LTBP1: variants seen among roughly 807,000 people sequenced by gnomAD.
LTBP1 encodes latent transforming growth factor beta binding protein 1, also known as latent-transforming growth factor beta-binding protein 1.
Under a neutral mutation model 207.6 loss-of-function variants are expected in LTBP1, and 129 were observed. The ratio of observed to expected loss-of-function variants is 0.62; its 90% confidence interval spans 0.54 to 0.72. The LOEUF is 0.72. Ranked by LOEUF, LTBP1 falls within the 30% of genes least tolerant of loss-of-function variation. The pLI is 0.00. For missense variants in LTBP1, 2,281 were observed against 2,217.2 expected, an observed-to-expected ratio of 1.03 and a Z score of -0.58; for synonymous variants, 963 against 833.7, an observed-to-expected ratio of 1.16 and a Z score of -2.67.
chr2:33,317,089 T>C (rs1049886956), intron 24 of LTBP1, among the ~76,000 whole-genome samples: 3 of 152,266 alleles, frequency 2.0e-5, no homozygotes, highest in African/African-American at 7.2e-5. Flanking sequence ...AATGATTTAA[T>C]TCTGTACTTT....
intron 10 of LTBP1, among the ~76,000 whole-genome samples, chr2:33,244,295 G>A (rs11674869): frequency 1.3e-5 from 2 of 152,106 alleles, no homozygotes; most frequent in Non-Finnish European, 2.9e-5. Flanking sequence ...CTGTGTTTTA[G>A]ATTTTCTAAT....
chr2:33,178,350 AATAG>A (rs760199529), intron 5 of LTBP1, among the ~76,000 whole-genome samples: 20 of 152,336 alleles, frequency 1.3e-4, no homozygotes, highest in Middle Eastern at 3.4e-3. Context: ...ACTAGATCAA[AATAG>A]ATAGCGCACA....
At chr2:33,179,764 T>C (rs2086432867) in intron 5 of LTBP1, among the ~76,000 whole-genome samples, 1 of 152,112 alleles carries the variant, frequency 6.6e-6, no homozygotes, top group African/African-American at 2.4e-5. Context: ...CAATAGAAGA[T>C]CCTGTAGCTA....
intron 2 of LTBP1, among the ~76,000 whole-genome samples, chr2:32,985,438 G>A (rs771685161): frequency 6.6e-6 from 1 of 152,178 alleles, no homozygotes; most frequent in Non-Finnish European, 1.5e-5. Flanking sequence ...CAGGCCCAAA[G>A]ACAGCACTCT....
At chr2:33,019,219 AG>A (rs1010463177) in intron 2 of LTBP1, among the ~76,000 whole-genome samples, 110 of 152,064 alleles carry the variant, frequency 7.2e-4, no homozygotes, top group Non-Finnish European at 3.4e-4. Flanking sequence ...TGACAGCAAC[AG>A]GGCAGCATAG....
At chr2:33,236,770 C>T (rs1168774469) in intron 9 of LTBP1, among the ~76,000 whole-genome samples, 1 of 152,202 alleles carries the variant, frequency 6.6e-6, no homozygotes, top group Non-Finnish European at 1.5e-5. Flanking sequence ...AATGTAATAT[C>T]TGTAGACTAC....
chr2:33,048,509 C>T (rs1431313387), intron 3 of LTBP1, among the ~76,000 whole-genome samples: 1 of 152,142 alleles, frequency 6.6e-6, no homozygotes, highest in African/African-American at 2.4e-5. Context: ...CTCAGAGGAG[C>T]ATGAGACATT....
intron 2 of LTBP1, among the ~76,000 whole-genome samples, chr2:32,951,969 T>G (rs990025948): frequency 1.3e-5 from 2 of 152,220 alleles, no homozygotes; most frequent in Non-Finnish European, 2.9e-5. Context: ...AAAATATGCA[T>G]GGACATTTAA....
intron 2 of LTBP1, among the ~76,000 whole-genome samples, chr2:32,966,779 A>G (rs1011436575): frequency 6.6e-6 from 1 of 151,982 alleles, no homozygotes; most frequent in Non-Finnish European, 1.5e-5. Flanking sequence ...AAATTTGCTA[A>G]TATTTTGTTG....
At chr2:33,229,634 T>TA (rs1361167762) in intron 9 of LTBP1, among the ~76,000 whole-genome samples, 2 of 152,246 alleles carry the variant, frequency 1.3e-5, no homozygotes, top group Non-Finnish European at 2.9e-5. Context: ...AATCACTTGC[T>TA]ATCTATTTTG....
At chr2:33,167,071 C>T (rs1306258016) in intron 5 of LTBP1, among the ~76,000 whole-genome samples, 1 of 152,046 alleles carries the variant, frequency 6.6e-6, no homozygotes, top group Non-Finnish European at 1.5e-5. Context: ...AGTTTTGTTT[C>T]TACTAAGAGT....
intron 24 of LTBP1, among the ~76,000 whole-genome samples, chr2:33,329,140 T>C (rs138087083): frequency 6.6e-6 from 1 of 152,330 alleles, no homozygotes; most frequent in East Asian, 1.9e-4. Flanking sequence ...AGCAAAGGGT[T>C]AAGAGTCTCA....
intron 9 of LTBP1, among the ~76,000 whole-genome samples, chr2:33,231,685 G>C (rs1416018434): frequency 6.6e-6 from 1 of 152,104 alleles, no homozygotes; most frequent in Non-Finnish European, 1.5e-5. Context: ...AAGAAAGCCT[G>C]CCTGGCTGGA....
chr2:33,066,380 G>A (rs1437978448), intron 3 of LTBP1, among the ~76,000 whole-genome samples: 1 of 152,130 alleles, frequency 6.6e-6, no homozygotes, highest in East Asian at 1.9e-4. Context: ...AAAAATCATA[G>A]TTACCACATT....
intron 4 of LTBP1, among the ~76,000 whole-genome samples, chr2:33,118,172 C>A (rs1282932214): frequency 1.4e-5 from 2 of 145,428 alleles, no homozygotes; most frequent in South Asian, 4.4e-4. Context: ...TACATGGAGA[C>A]TACCTTTAAC....
At chr2:33,165,193 G>A (rs1041146443) in intron 5 of LTBP1, among the ~76,000 whole-genome samples, 3 of 152,194 alleles carry the variant, frequency 2.0e-5, no homozygotes, top group Admixed American at 6.5e-5. Flanking sequence ...CCTGGCTATG[G>A]TATGAAGAAA....
chr2:33,012,724 A>C (rs1687840613), intron 2 of LTBP1, among the ~76,000 whole-genome samples: 1 of 152,224 alleles, frequency 6.6e-6, no homozygotes, highest in South Asian at 2.1e-4. Context: ...ATTAAAACAA[A>C]TTTAAAGATT....
chr2:33,174,642 A>G (rs1431985486), intron 5 of LTBP1, among the ~76,000 whole-genome samples: 1 of 152,176 alleles, frequency 6.6e-6, no homozygotes, highest in Non-Finnish European at 1.5e-5. Context: ...TCTTCACAGA[A>G]TTGGAAAAAA....
intron 18 of LTBP1, among the ~76,000 whole-genome samples, chr2:33,279,303 A>C (rs570019970): frequency 2.6e-5 from 4 of 151,980 alleles, no homozygotes; most frequent in African/African-American, 9.7e-5. Context: ...AAATGCCTCA[A>C]GCTGTCGTAG....
Sources: gnomAD v4.1 joint callset for allele counts (sites outside exome capture counted in the v4.1 genomes callset) on GRCh38, gnomAD v4.1.1 for gene constraint, MANE v1.5 for transcripts, NCBI Gene and HGNC (gene_info 2026-07-23, HGNC 2026-07-21) for gene names.